Variants in NTN4 observed in about 807,000 individuals in gnomAD.
NTN4 encodes the protein netrin 4, also known as netrin-4.
NTN4 carries 32 observed loss-of-function variants against 73.6 expected under a neutral mutation model. That is an observed-to-expected ratio of 0.44 (90% CI 0.33 to 0.58). The LOEUF is 0.58. NTN4 is among the 20% of genes least tolerant of loss of function. The pLI is 0.04. For missense variants in NTN4, 654 were observed against 798.3 expected (o/e 0.82, Z 2.18); for synonymous variants, 258 against 287.5 (o/e 0.90, Z 1.04).
intron 2 of NTN4, among the ~76,000 whole-genome samples, chr12:95,749,467 C>G (rs1340709531): frequency 6.6e-6 from 1 of 152,200 alleles, no homozygotes; most frequent in African/African-American, 2.4e-5. Flanking sequence ...TCCAACCTCT[C>G]TCACTGTCCC....
At position 95,790,461 on chromosome 12, in the gene NTN4, G is replaced by A; in HGVS notation, c.-152C>T. ...GCGCCGGGCTCGGTCAGCGGTCGCC[G>A]GCAGCTGGGAGCCAGGGGCCGGGAC... is the stretch of plus-strand genomic sequence containing the variant. On this transcript the variant is annotated 5_prime_UTR_variant, in exon 1 of 10. Coordinates refer to ENST00000343702, the MANE Select transcript of NTN4 (RefSeq NM_021229.4). The surrounding 1 kb of genome is among the most constrained non-coding windows in gnomAD (Gnocchi z 6.5). The A allele has an allele frequency of 1.6e-6, 1 of 611,120 alleles. No homozygotes were observed. Among genetic ancestry groups the A allele is most frequent in the South Asian group, 2.8e-5 (1 of 35,668 alleles). 37.9% of individuals were successfully genotyped at this position (611,120 alleles called of 1,614,324 possible).
chr12:95,740,605 G>A (rs973794284), intron 2 of NTN4, among the ~76,000 whole-genome samples: 2 of 152,110 alleles, frequency 1.3e-5, no homozygotes, highest in Non-Finnish European at 1.5e-5. Flanking sequence ...TGTTTTGGTG[G>A]TTAATATTAT....
chr12:95,661,133 T>TA (rs2078135064), intron 9 of NTN4, among the ~76,000 whole-genome samples: 1 of 152,100 alleles, frequency 6.6e-6, no homozygotes, highest in African/African-American at 2.4e-5. Flanking sequence ...AAAATGACAC[T>TA]AAAAAATGAG....
intron 5 of NTN4, among the ~76,000 whole-genome samples, chr12:95,686,593 T>C (rs562497637): frequency 2.6e-5 from 4 of 152,074 alleles, no homozygotes; most frequent in Admixed American, 6.5e-5. Flanking sequence ...ACCTCATCTC[T>C]ACTAAAATAC....
chr12:95,776,849 C>T (rs1424873155), intron 2 of NTN4, among the ~76,000 whole-genome samples: 5 of 152,050 alleles, frequency 3.3e-5, no homozygotes, highest in Admixed American at 6.6e-5. Flanking sequence ...AACTCCAAGA[C>T]ACATAATTGT....
At chr12:95,704,175 A>C (rs1336847345) in intron 5 of NTN4, among the ~76,000 whole-genome samples, 4 of 152,166 alleles carry the variant, frequency 2.6e-5, no homozygotes, top group Non-Finnish European at 4.4e-5. Context: ...AGATGATGCC[A>C]ATGCGGCTGG....
rs767042994 is a variant in NTN4, at chr12:95,682,713, G to A, written c.1504C>T (p.His502Tyr). ...EDAQGFSALL[H>Y]SGKCECKEQT... ...CTGGTTACATCCATCTCACCTGAGTGTAGAAGTGCAGAAAACCCCTGCGCA... is the reference window on the plus strand; with the variant it reads ...CTGGTTACATCCATCTCACCTGAGTATAGAAGTGCAGAAAACCCCTGCGCA... Residue 502 changes from histidine to tyrosine, a missense_variant, in exon 7 of 10, where the codon CAC becomes TAC. Coordinates refer to ENST00000343702, the MANE Select transcript of NTN4 (RefSeq NM_021229.4). 1.4e-5 allele frequency: 23 copies of A among 1,607,738 alleles called. No homozygotes were observed. Among genetic ancestry groups the A allele is most frequent in the Non-Finnish European group, 4.3e-6 (5 of 1,174,336 alleles).
intron 3 of NTN4, among the ~76,000 whole-genome samples, chr12:95,713,651 T>A (rs1032745510): frequency 2.0e-5 from 3 of 152,206 alleles, no homozygotes; most frequent in Non-Finnish European, 4.4e-5. Context: ...TTTAATTTTT[T>A]AAAATTCTTT....
In NTN4 at chr12:95,757,741, T is replaced by C. The variant is rs546226169; in HGVS notation, c.586-19597A>G. Among the ~76,000 whole-genome samples, 3 of 147,472 alleles carry C rather than the reference T, an allele frequency of 2.0e-5. No homozygotes were observed. The South Asian group carries it at 6.5e-4, about 32-fold the overall frequency. On this transcript the variant is annotated intron_variant, in intron 2 of 9. Coordinates refer to ENST00000343702, the MANE Select transcript of NTN4 (RefSeq NM_021229.4). ...ATGGGAAAATAGTGAAAATTCATTATCATAGAAGCCCAAGGAAGTGAGAAT... is the reference window on the plus strand; with the variant it reads ...ATGGGAAAATAGTGAAAATTCATTACCATAGAAGCCCAAGGAAGTGAGAAT...
chr12:95,669,606 A>C lies in NTN4; in HGVS notation c.1579+472T>G, dbSNP rs546545674. ...ATTTGGAGAGGTTAAGTCTCCCACC[A>C]ATAAGCCAGAAATCAAACTCACATA... On this transcript the variant is annotated intron_variant, in intron 8 of 9. Transcript: ENST00000343702. Among the ~76,000 whole-genome samples, 993 of 147,244 alleles carry C rather than the reference A, an allele frequency of 6.7e-3. 8 individuals carry two copies. The highest frequency in any genetic ancestry group is 0.056 in the Middle Eastern group (16 of 284).
rs11108261 is a variant in NTN4 at position 95,779,489 on chromosome 12, G to T, written c.585+7450C>A. 7.2e-5 allele frequency among the ~76,000 whole-genome samples: 11 copies of T among 152,182 alleles called. No individual in the cohort carries two copies. In the South Asian group the frequency reaches 2.3e-3, roughly 32 times the overall value. On this transcript the variant is annotated intron_variant, in intron 2 of 9. Coordinates refer to ENST00000343702, the MANE Select transcript of NTN4 (RefSeq NM_021229.4). ...GATACAAAATCAATGTGCGAAAATC[G>T]CAAGCATTCTTATACACCAATAACA...
At chr12:95,704,852 C>T (rs866257278) in intron 5 of NTN4, among the ~76,000 whole-genome samples, 2 of 152,138 alleles carry the variant, frequency 1.3e-5, no homozygotes. Context: ...ACCCAGGGAT[C>T]GGGGAGCTGT....
At position 95,789,933 on chromosome 12, in the gene NTN4, G is replaced by T. The variant is rs2121315532; in HGVS notation, c.55+322C>A. ...TGAAGTGCCGGGGGATGGCGAGCTGGGTCCTTTGTTCCCTCACCAAGTGGA... is the reference window on the plus strand; with the variant it reads ...TGAAGTGCCGGGGGATGGCGAGCTGTGTCCTTTGTTCCCTCACCAAGTGGA... On this transcript the variant is annotated intron_variant, in intron 1 of 9. Coordinates refer to ENST00000343702, the MANE Select transcript of NTN4 (RefSeq NM_021229.4). The surrounding 1 kb of genome is among the most constrained non-coding windows in gnomAD (Gnocchi z 4.0). 2 of 287,366 alleles carry T rather than the reference G, an allele frequency of 7.0e-6. No homozygotes were observed. Among genetic ancestry groups the T allele is most frequent in the Non-Finnish European group, 1.3e-5 (2 of 154,260 alleles). The allele number at this position is 287,366 out of a possible 1,614,324, so 17.8% of individuals were successfully genotyped here.
chr12:95,746,245 G>A (rs1198488984), intron 2 of NTN4, among the ~76,000 whole-genome samples: 2 of 152,112 alleles, frequency 1.3e-5, no homozygotes, highest in Admixed American at 6.6e-5. Context: ...GAATTCGTCC[G>A]ATTGATAACA....
chr12:95,757,313 T>A (rs1378689574), intron 2 of NTN4, among the ~76,000 whole-genome samples: 1 of 152,174 alleles, frequency 6.6e-6, no homozygotes, highest in African/African-American at 2.4e-5. Flanking sequence ...TCTGAGAAGA[T>A]GTTAATTAAC....
intron 2 of NTN4, among the ~76,000 whole-genome samples, chr12:95,773,470 A>T (rs2079071598): frequency 6.6e-6 from 1 of 152,152 alleles, no homozygotes; most frequent in East Asian, 1.9e-4. Context: ...CCTCTTTTTG[A>T]GGGCCCGCAT....
chr12:95,683,603 C>G lies in NTN4; in HGVS notation c.1289G>C (p.Arg430Pro), dbSNP rs752521947. The stretch of plus-strand genomic sequence containing the variant: ...GTATCCCACCATGCACCTGTCACAA[C>G]GTCGCCCTGCCACCCCAGGCTTGCA... ...CPCKPGVAGR[R>P]CDRCMVGYWG... is the part of the protein sequence containing the mutation. The change falls in exon 6 of 10, where the codon CGT (arginine) becomes CCT (proline). Residue 430 changes from arginine to proline, a missense_variant. Transcript: ENST00000343702. 6.2e-7 allele frequency: 1 copy of G among 1,614,074 alleles called. No individual in the cohort carries two copies. The highest frequency in any genetic ancestry group is 1.3e-5 in the African/African-American group (1 of 74,916).
At chr12:95,693,192 G>C (rs964544822) in intron 5 of NTN4, among the ~76,000 whole-genome samples, 3 of 152,024 alleles carry the variant, frequency 2.0e-5, no homozygotes, top group Non-Finnish European at 4.4e-5. Flanking sequence ...GAAGAGAGAA[G>C]TGTAGATAAT....
At chr12:95,702,918 C>T (rs113910215) in intron 5 of NTN4, among the ~76,000 whole-genome samples, 1,972 of 138,512 alleles carry the variant, frequency 0.014, 43 homozygotes, top group African/African-American at 0.05. Flanking sequence ...AGTGCAATGG[C>T]GCAATCTTGG....
Sources: allele counts gnomAD v4.1 joint callset (sites outside exome capture counted in the v4.1 genomes callset), GRCh38; gene constraint gnomAD v4.1.1; non-coding constraint Gnocchi (gnomAD v3.1); transcripts MANE v1.5; gene names NCBI Gene and HGNC (gene_info 2026-07-23, HGNC 2026-07-21).